The following CADM1 variants were observed in gnomAD, a reference collection of about 807,000 sequenced individuals.
The protein encoded by CADM1 is TSLC-1.
In CADM1, 15 loss-of-function variants were observed where a neutral mutation model predicts 53.1. The observed-to-expected ratio is 0.28, with a 90% confidence interval of 0.19 to 0.44. The LOEUF is 0.44. CADM1 is among the 20% of genes least tolerant of loss of function. The probability of loss-of-function intolerance (pLI) is 1.00; values close to 1 mark genes in which losing one functional copy is unlikely to be tolerated. For synonymous variants in CADM1, 281 were observed against 243.0 expected (o/e 1.16, Z -1.45); for missense variants, 434 against 611.3 (o/e 0.71, Z 3.06).
At chr11:115,490,173 G>T (rs1352626013) in intron 1 of CADM1, among the ~76,000 whole-genome samples, 4 of 152,154 alleles carry the variant, frequency 2.6e-5, no homozygotes, top group Non-Finnish European at 5.9e-5. Context: ...GAGGCTAGCA[G>T]TAAATGAAAC....
chr11:115,267,856 C>T (rs1361923038), intron 1 of CADM1, among the ~76,000 whole-genome samples: 3 of 151,506 alleles, frequency 2.0e-5, no homozygotes, highest in Non-Finnish European at 4.4e-5. Flanking sequence ...TCAGGAACAG[C>T]CCCCTTGGAG....
At chr11:115,450,272 C>T (rs1312298763) in intron 1 of CADM1, among the ~76,000 whole-genome samples, 3 of 152,206 alleles carry the variant, frequency 2.0e-5, no homozygotes, top group Non-Finnish European at 4.4e-5. Flanking sequence ...CGCACAGGCC[C>T]ATCTTTCTGT....
In CADM1 at chr11:115,251,387, A is replaced by C. The variant is rs1031276388; in HGVS notation, c.125-10967T>G. On this transcript the variant is annotated intron_variant, in intron 1 of 11. Transcript: ENST00000331581. Reference sequence around the variant, plus strand: ...AGCAAGTAAGGATATCAGTTGGAACACATCAGATATGGACTCAGAGTGAAT... The same window carrying C: ...AGCAAGTAAGGATATCAGTTGGAACCCATCAGATATGGACTCAGAGTGAAT... Among the ~76,000 whole-genome samples, 4 of 151,120 alleles carry C rather than the reference A, an allele frequency of 2.6e-5. No homozygotes were observed. The Admixed American group carries it at 2.7e-4, about 10-fold the overall frequency.
chr11:115,225,063 TTC>T (rs1488386128), intron 5 of CADM1, among the ~76,000 whole-genome samples: 2 of 152,208 alleles, frequency 1.3e-5, no homozygotes, highest in East Asian at 3.8e-4. Context: ...CATAATTATT[TTC>T]TGTTTTAAAC....
At chr11:115,202,994 C>G (rs896651497) in intron 8 of CADM1, among the ~76,000 whole-genome samples, 1 of 151,926 alleles carries the variant, frequency 6.6e-6, no homozygotes, top group Non-Finnish European at 1.5e-5. Context: ...AATCAAACTC[C>G]CCTGTCTTAG....
At chr11:115,493,985 C>T (rs1949554136) in intron 1 of CADM1, among the ~76,000 whole-genome samples, 1 of 152,110 alleles carries the variant, frequency 6.6e-6, no homozygotes, top group Admixed American at 6.5e-5. Context: ...TGAACATAGA[C>T]TATATAATTT....
intron 5 of CADM1, among the ~76,000 whole-genome samples, chr11:115,226,122 G>A (rs1941597456): frequency 6.6e-6 from 1 of 151,486 alleles, no homozygotes. Flanking sequence ...AGGTGACAAA[G>A]GAAAGGACAT....
intron 1 of CADM1, among the ~76,000 whole-genome samples, chr11:115,476,097 A>G (rs1275895422): frequency 6.6e-6 from 1 of 152,194 alleles, no homozygotes; most frequent in Admixed American, 6.5e-5. Context: ...GTATTACCAA[A>G]GTCTCAGTAT....
chr11:115,204,582 G>A (rs192135031), intron 8 of CADM1, among the ~76,000 whole-genome samples: 27 of 152,206 alleles, frequency 1.8e-4, no homozygotes, highest in Admixed American at 1.2e-3. Context: ...AGACCCTGGG[G>A]AATAGCCAGC....
intron 8 of CADM1, among the ~76,000 whole-genome samples, chr11:115,207,130 T>C (rs1246616411): frequency 1.3e-5 from 2 of 152,136 alleles, no homozygotes; most frequent in African/African-American, 4.8e-5. Flanking sequence ...TCACATCCAT[T>C]AAGGCAACGA....
chr11:115,281,742 T>C (rs1486165391), intron 1 of CADM1, among the ~76,000 whole-genome samples: 1 of 152,174 alleles, frequency 6.6e-6, no homozygotes, highest in Admixed American at 6.5e-5. Context: ...TGTCTATAAC[T>C]ACAGCAGTTT....
intron 5 of CADM1, among the ~76,000 whole-genome samples, chr11:115,226,214 T>G (rs1941602251): frequency 6.6e-6 from 1 of 152,166 alleles, no homozygotes; most frequent in African/African-American, 2.4e-5. Context: ...TAATAGATAT[T>G]TTTACATAGG....
chr11:115,227,192 T>C (rs374662850), intron 5 of CADM1, among the ~76,000 whole-genome samples: 1 of 152,224 alleles, frequency 6.6e-6, no homozygotes, highest in Non-Finnish European at 1.5e-5. Context: ...TAGAGTCACT[T>C]TCCTGCAATT....
intron 1 of CADM1, among the ~76,000 whole-genome samples, chr11:115,398,526 T>C (rs1947060056): frequency 1.3e-5 from 2 of 152,220 alleles, no homozygotes; most frequent in African/African-American, 4.8e-5. Flanking sequence ...TCTCAGTGAA[T>C]ATTGCTCATC....
intron 1 of CADM1, among the ~76,000 whole-genome samples, chr11:115,262,560 G>GCAGA (rs1943007868): frequency 6.6e-6 from 1 of 152,186 alleles, no homozygotes; most frequent in Non-Finnish European, 1.5e-5. Context: ...ACCCTAGGCT[G>GCAGA]TGATACAGTT....
chr11:115,212,435 G>C lies in CADM1; in HGVS notation c.994+2173C>G, dbSNP rs78738845. Among the ~76,000 whole-genome samples the C allele has an allele frequency of 9.9e-3, 1,509 of 152,264 alleles. 27 individuals are homozygous for C. Among genetic ancestry groups the C allele is most frequent in the African/African-American group, 0.033 (1,385 of 41,550 alleles). ...TCTGTCATCCCAAGTATTGTTACTA[G>C]GACTGATTAGGGGAGATAGGTAGTA... On this transcript the variant is annotated intron_variant, in intron 7 of 11. Transcript: ENST00000331581.
At chr11:115,351,698 A>G (rs1331305909) in intron 1 of CADM1, among the ~76,000 whole-genome samples, 3 of 152,226 alleles carry the variant, frequency 2.0e-5, no homozygotes, top group Non-Finnish European at 4.4e-5. Flanking sequence ...ACCTCTGGAC[A>G]CACAGAAAAC....
At chr11:115,353,453 CTT>C (rs559808606) in intron 1 of CADM1, among the ~76,000 whole-genome samples, 100 of 152,308 alleles carry the variant, frequency 6.6e-4, no homozygotes, top group African/African-American at 2.3e-3. Flanking sequence ...GCTATTTAAA[CTT>C]AAGTTTAATT....
chr11:115,485,074 C>T (rs991395228), intron 1 of CADM1, among the ~76,000 whole-genome samples: 1 of 152,134 alleles, frequency 6.6e-6, no homozygotes, highest in Non-Finnish European at 1.5e-5. Flanking sequence ...CCCCAGAGTT[C>T]ATTCACTTTC....
Sources: gnomAD v4.1 joint callset for allele counts (sites outside exome capture counted in the v4.1 genomes callset) on GRCh38, gnomAD v4.1.1 for gene constraint, MANE v1.5 for transcripts, NCBI Gene and HGNC (gene_info 2026-07-23, HGNC 2026-07-21) for gene names.